Variants in DNAJC24 observed in about 807,000 individuals in gnomAD.
DNAJC24 encodes the protein DnaJ heat shock protein family (Hsp40) member C24.
A neutral mutation model predicts 18.0 loss-of-function variants in DNAJC24; 17 were observed. The ratio of observed to expected loss-of-function variants is 0.94; its 90% CI spans 0.65 to 1.42. DNAJC24 has a LOEUF of 1.42. DNAJC24 is among the 40% of genes most tolerant of loss of function. DNAJC24 has a pLI of 0.00. For synonymous variants in DNAJC24, 55 were observed against 57.7 expected, an observed-to-expected ratio of 0.95 and a Z score of 0.21; for missense variants, 158 against 175.6, an observed-to-expected ratio of 0.90 and a Z score of 0.57.
At position 31,430,437 on chromosome 11, in the gene DNAJC24, T is replaced by G. The variant is rs1371045877; in HGVS notation, c.*36T>G. Reference sequence around the variant, plus strand: ...AACTTGAAATGCTTTAACTGTGGTATTGAGACATGATGAGAAGCCGTTGAG... The same window carrying G: ...AACTTGAAATGCTTTAACTGTGGTAGTGAGACATGATGAGAAGCCGTTGAG... On this transcript the variant is annotated 3_prime_UTR_variant, in exon 5 of 5. Transcript: ENST00000465995. The G allele has an allele frequency of 6.4e-7, 1 of 1,567,966 alleles. No individual in the cohort carries two copies. Among genetic ancestry groups the G allele is most frequent in the African/African-American group, 1.4e-5 (1 of 73,832 alleles).
Position 31,389,981 on chromosome 11 carries a change from A to G in DNAJC24, c.111+19122A>G, listed in dbSNP as rs1190730474. Among the ~76,000 whole-genome samples the G allele has an allele frequency of 3.9e-5, 6 of 152,368 alleles. No individual in the cohort carries two copies. The South Asian group carries it at 1.2e-3, about 32-fold the overall frequency. On this transcript the variant is annotated intron_variant, in intron 2 of 4. Coordinates refer to ENST00000465995, the MANE Select transcript of DNAJC24 (RefSeq NM_181706.5). ...AACAAATGTTAAAAGGAAACACAAC[A>G]TACCAAAACCTATGGAATAAAGCAA...
At chr11:31,387,244 G>A (rs1952438868) in intron 2 of DNAJC24, among the ~76,000 whole-genome samples, 1 of 152,166 alleles carries the variant, frequency 6.6e-6, no homozygotes, top group Non-Finnish European at 1.5e-5. Flanking sequence ...CTGCGACCTT[G>A]AGTGAACATA....
intron 2 of DNAJC24, 104 bp from the exon 3 acceptor site, chr11:31,414,704 ATCT>A: frequency 1.6e-6 from 2 of 1,254,024 alleles, no homozygotes; most frequent in Non-Finnish European, 2.2e-6. Flanking sequence ...TTTGGTTTTC[ATCT>A]TCTCATTACC....
chr11:31,375,344 C>T (rs1334443944), intron 2 of DNAJC24, among the ~76,000 whole-genome samples: 1 of 135,320 alleles, frequency 7.4e-6, no homozygotes, highest in South Asian at 2.5e-4. Flanking sequence ...ATCGTGCCTC[C>T]CCAGCTCCCT....
At chr11:31,410,662 T>G (rs1591916359) in intron 2 of DNAJC24, among the ~76,000 whole-genome samples, 1 of 152,248 alleles carries the variant, frequency 6.6e-6, no homozygotes, top group Admixed American at 6.5e-5. Context: ...TTTATGTGTA[T>G]GATTCATTCT....
At chr11:31,382,514 A>G (rs973835833) in intron 2 of DNAJC24, among the ~76,000 whole-genome samples, 4 of 152,194 alleles carry the variant, frequency 2.6e-5, no homozygotes, top group South Asian at 2.1e-4. Flanking sequence ...TAATTTAACT[A>G]TTATTGTCCA....
At chr11:31,403,792 A>T (rs1952626220) in intron 2 of DNAJC24, among the ~76,000 whole-genome samples, 1 of 152,178 alleles carries the variant, frequency 6.6e-6, no homozygotes, top group Admixed American at 6.5e-5. Flanking sequence ...TACAGGAAAG[A>T]GGTCTCAATC....
chr11:31,394,522 T>C (rs965852461), intron 2 of DNAJC24, among the ~76,000 whole-genome samples: 12 of 144,560 alleles, frequency 8.3e-5, no homozygotes, highest in Non-Finnish European at 1.5e-4. Context: ...CACCACACTG[T>C]TTTTTTTTCA....
chr11:31,390,866 A>G (rs765661817), intron 2 of DNAJC24, among the ~76,000 whole-genome samples: 4 of 152,190 alleles, frequency 2.6e-5, no homozygotes, highest in African/African-American at 7.2e-5. Flanking sequence ...TTCGTTCTAC[A>G]AGGCCATTAT....
At position 31,369,928 on chromosome 11, in the gene DNAJC24, T is replaced by C. The variant is rs537368598; in HGVS notation, c.-34+16T>C. On this transcript the variant is annotated intron_variant, in intron 1 of 4. Transcript: ENST00000465995. The stretch of plus-strand genomic sequence containing the variant: ...GTGAAGTTAGGTAGGTCTGATGTCG[T>C]ATAAAGCGCGGAGAGGGTGCCCGCC... 4.5e-4 allele frequency: 69 copies of C among 152,450 alleles called. No individual in the cohort carries two copies. Among genetic ancestry groups the C allele is most frequent in the African/African-American group, 1.6e-3 (65 of 41,508 alleles). The allele number at this position is 152,450 out of a possible 1,614,324, so 9.4% of individuals were successfully genotyped here. A position where few individuals can be genotyped will look rare whatever the true frequency, so the allele number is the denominator to read the frequency against.
intron 2 of DNAJC24, among the ~76,000 whole-genome samples, chr11:31,401,907 A>G (rs1398855866): frequency 6.6e-6 from 1 of 152,162 alleles, no homozygotes; most frequent in Non-Finnish European, 1.5e-5. Context: ...AATTTATAGG[A>G]TTATTCACAA....
rs1310707853 is a variant in DNAJC24 at position 31,432,748 on chromosome 11, A to G, written c.*2347A>G. Reference sequence around the variant, plus strand: ...CTTGAGAAAATAAACTTATGTGTATATATGTTTAAACTCCAAAGTTTGGGA... The same window carrying G: ...CTTGAGAAAATAAACTTATGTGTATGTATGTTTAAACTCCAAAGTTTGGGA... On this transcript the variant is annotated 3_prime_UTR_variant, in exon 5 of 5. Transcript: ENST00000465995. Among the ~76,000 whole-genome samples, 1 of 152,356 alleles carries G rather than the reference A, an allele frequency of 6.6e-6. No individual in the cohort carries two copies. The highest frequency in any genetic ancestry group is 1.9e-4 in the East Asian group (1 of 5,188).
rs573292838 is a variant in DNAJC24 at position 31,387,359 on chromosome 11, G to A, written c.111+16500G>A. ...AGTCCCAGTGGTGATGGCCACAGAG[G>A]TGCTTGTGTTACCCCTTCCCCAGCT... On this transcript the variant is annotated intron_variant, in intron 2 of 4. Transcript: ENST00000465995. 4.6e-5 allele frequency among the ~76,000 whole-genome samples: 7 copies of A among 152,264 alleles called. No homozygotes were observed. In the East Asian group the frequency reaches 5.8e-4, roughly 13 times the overall value.
chr11:31,421,114 C>T (rs956833727), intron 3 of DNAJC24, among the ~76,000 whole-genome samples: 2 of 152,142 alleles, frequency 1.3e-5, no homozygotes, highest in African/African-American at 2.4e-5. Context: ...AAAGAACAGG[C>T]TTCCAATTAA....
chr11:31,380,081 T>G (rs1952361701), intron 2 of DNAJC24, among the ~76,000 whole-genome samples: 1 of 152,222 alleles, frequency 6.6e-6, no homozygotes, highest in African/African-American at 2.4e-5. Flanking sequence ...AAAGAAATCT[T>G]AAAATAACTT....
At chr11:31,381,981 C>A (rs891831199) in intron 2 of DNAJC24, among the ~76,000 whole-genome samples, 1 of 152,044 alleles carries the variant, frequency 6.6e-6, no homozygotes, top group African/African-American at 2.4e-5. Flanking sequence ...TGTATATATT[C>A]GAATCTGTTT....
At chr11:31,373,362 A>G (rs77711737) in intron 2 of DNAJC24, among the ~76,000 whole-genome samples, 3,219 of 134,516 alleles carry the variant, frequency 0.024, 347 homozygotes, top group African/African-American at 0.075. Flanking sequence ...TCCTCAGTAT[A>G]TTCAGTTGTG....
intron 2 of DNAJC24, among the ~76,000 whole-genome samples, chr11:31,371,345 T>C (rs2133462069): frequency 6.6e-6 from 1 of 152,312 alleles, no homozygotes; most frequent in East Asian, 1.9e-4. Context: ...TTTATGTTGA[T>C]TATGTTGATT....
At chr11:31,422,390 C>T (rs1952815412) in intron 3 of DNAJC24, among the ~76,000 whole-genome samples, 1 of 152,120 alleles carries the variant, frequency 6.6e-6, no homozygotes, top group Non-Finnish European at 1.5e-5. Context: ...ATATGCCAGA[C>T]AATGCTTTTT....
Sources: gnomAD v4.1 joint callset for allele counts (sites outside exome capture counted in the v4.1 genomes callset) on GRCh38, gnomAD v4.1.1 for gene constraint, MANE v1.5 for transcripts, NCBI Gene and HGNC (gene_info 2026-07-23, HGNC 2026-07-21) for gene names.